ZNF407: variants seen among roughly 807,000 people sequenced by gnomAD.
The protein encoded by ZNF407 is zinc finger protein 407.
Under a neutral mutation model 131.2 loss-of-function variants are expected in ZNF407, and 17 were observed. That is an observed-to-expected ratio of 0.13 (90% CI 0.09 to 0.19). ZNF407 has a LOEUF of 0.19. Ranked by LOEUF, ZNF407 falls within the 10% of genes least tolerant of loss-of-function variation. The probability of loss-of-function intolerance (pLI) is 1.00; values close to 1 mark genes in which losing one functional copy is unlikely to be tolerated. For missense variants in ZNF407, 2,681 were observed against 2,830.6 expected (o/e 0.95, Z 1.20); for synonymous variants, 1,156 against 1,062.0 (o/e 1.09, Z -1.72).
chr18:74,918,489 C>T (rs910740550), intron 7 of ZNF407, among the ~76,000 whole-genome samples: 3 of 152,126 alleles, frequency 2.0e-5, no homozygotes, highest in African/African-American at 7.2e-5. Context: ...CTTTTATTTC[C>T]TCTTACAGTG....
intron 8 of ZNF407, among the ~76,000 whole-genome samples, chr18:75,042,175 A>G (rs1177716771): frequency 6.6e-6 from 1 of 151,722 alleles, no homozygotes; most frequent in Admixed American, 6.6e-5. Flanking sequence ...TGCTGGGATC[A>G]TGGGTATGAA....
At chr18:74,917,633 G>A (rs1463690892) in intron 7 of ZNF407, among the ~76,000 whole-genome samples, 2 of 151,968 alleles carry the variant, frequency 1.3e-5, no homozygotes, top group Non-Finnish European at 2.9e-5. Flanking sequence ...GCTTATTTTT[G>A]TCCTAGATAC....
intron 7 of ZNF407, among the ~76,000 whole-genome samples, chr18:74,895,400 C>G (rs1321210666): frequency 6.6e-6 from 1 of 152,068 alleles, no homozygotes; most frequent in Admixed American, 6.6e-5. Context: ...ACATGTGTGA[C>G]TGGCACAGGG....
At chr18:74,818,107 G>T (rs2145097544) in intron 4 of ZNF407, among the ~76,000 whole-genome samples, 1 of 152,306 alleles carries the variant, frequency 6.6e-6, no homozygotes, top group Non-Finnish European at 1.5e-5. Context: ...ATTTTGAGAT[G>T]ACTTTTGGCA....
At chr18:74,877,028 C>T (rs551032863) in intron 4 of ZNF407, among the ~76,000 whole-genome samples, 169 bp from the exon 5 acceptor site, 4 of 152,332 alleles carry the variant, frequency 2.6e-5, no homozygotes, top group East Asian at 1.9e-4. Flanking sequence ...TGCCAGGCCT[C>T]GACAGAAAAA....
intron 8 of ZNF407, among the ~76,000 whole-genome samples, chr18:74,973,138 A>ATATG (rs1555705326): frequency 2.1e-5 from 2 of 93,428 alleles, no homozygotes; most frequent in East Asian, 3.0e-4. Context: ...TTATATATAT[A>ATATG]TGTGTGTGTG....
chr18:74,980,910 G>A (rs1204883132), intron 8 of ZNF407, among the ~76,000 whole-genome samples: 1 of 152,134 alleles, frequency 6.6e-6, no homozygotes, highest in Non-Finnish European at 1.5e-5. Context: ...AGACACACTG[G>A]GGATTGGAGT....
Position 75,063,207 on chromosome 18 carries a change from A to G in ZNF407, c.5486A>G (p.Glu1829Gly), listed in dbSNP as rs1159809924. The G allele has an allele frequency of 6.2e-7, 1 of 1,611,646 alleles. No homozygotes were observed. The highest frequency in any genetic ancestry group is 8.5e-7 in the Non-Finnish European group (1 of 1,178,900). The change falls in exon 9 of 9, where the codon GAG (glutamate) becomes GGG (glycine). Residue 1829 changes from glutamate to glycine, a missense_variant. By Grantham distance (98) the Glu-to-Gly change is moderately conservative. Around this residue, in one of 6 missense-constraint regions of ZNF407, gnomAD observed 39 missense variants for 91.8 expected, o/e 0.42. Coordinates refer to ENST00000299687, the MANE Select transcript of ZNF407 (RefSeq NM_017757.3). This position sits in a 1 kb window ranked among gnomAD's most constrained non-coding sequence, Gnocchi z 6.6. ...AAGGGACAAGGAGCCACCTTCGTGGAGACAGACAGCCCCTTCACCGCGGCG... is the reference window on the plus strand; with the variant it reads ...AAGGGACAAGGAGCCACCTTCGTGGGGACAGACAGCCCCTTCACCGCGGCG... Reference protein sequence around the residue: ...RLKGQGATFVETDSPFTAAAL... With the variant: ...RLKGQGATFVGTDSPFTAAAL...
intron 4 of ZNF407, among the ~76,000 whole-genome samples, chr18:74,845,732 A>T (rs542454649): frequency 6.6e-6 from 1 of 152,372 alleles, no homozygotes; most frequent in African/African-American, 2.4e-5. Context: ...AGCATGAGCT[A>T]ATTCTTCCAG....
At chr18:74,658,368 C>T (rs1160307400) in intron 3 of ZNF407, among the ~76,000 whole-genome samples, 3 of 152,124 alleles carry the variant, frequency 2.0e-5, no homozygotes, top group Admixed American at 6.6e-5. Context: ...CTGCCCACCT[C>T]GGCCTCCCAA....
At chr18:74,864,183 C>T (rs1011892689) in intron 4 of ZNF407, among the ~76,000 whole-genome samples, 23 of 152,128 alleles carry the variant, frequency 1.5e-4, no homozygotes, top group Non-Finnish European at 2.8e-4. Flanking sequence ...GATTACTCTT[C>T]GTTAGAACCC....
chr18:74,686,437 C>G (rs1357521407), intron 3 of ZNF407, among the ~76,000 whole-genome samples: 1 of 152,194 alleles, frequency 6.6e-6, no homozygotes, highest in Non-Finnish European at 1.5e-5. Context: ...TTCCACACTT[C>G]TGACTATTCT....
rs1436738715 is a variant in ZNF407, at chr18:74,888,380, A to G, written c.5129-1538A>G. On this transcript the variant is annotated intron_variant, in intron 6 of 8. Coordinates refer to ENST00000299687, the MANE Select transcript of ZNF407 (RefSeq NM_017757.3). ...AGTAACAGGTGTAAACATTTTTACA[A>G]TAGTTAATTTAACCAAATTCAAATT... 2.0e-5 allele frequency among the ~76,000 whole-genome samples: 3 copies of G among 152,314 alleles called. No homozygotes were observed. The East Asian group carries it at 5.8e-4, about 29-fold the overall frequency.
At chr18:74,950,197 A>G (rs1263994183) in intron 8 of ZNF407, among the ~76,000 whole-genome samples, 2 of 152,352 alleles carry the variant, frequency 1.3e-5, no homozygotes, top group East Asian at 1.9e-4. Context: ...GGAAATGTCC[A>G]GCTCACGTCT....
chr18:74,813,157 C>T (rs1009671909), intron 4 of ZNF407, among the ~76,000 whole-genome samples: 2 of 152,158 alleles, frequency 1.3e-5, no homozygotes, highest in Non-Finnish European at 2.9e-5. Flanking sequence ...GTTGCCTTGT[C>T]CACAGCAGAT....
intron 3 of ZNF407, among the ~76,000 whole-genome samples, chr18:74,679,808 C>T (rs971842818): frequency 6.6e-6 from 1 of 152,094 alleles, no homozygotes; most frequent in African/African-American, 2.4e-5. Context: ...TGGTTGTTAC[C>T]CACTCTAACC....
chr18:74,903,960 C>T (rs371380624), intron 7 of ZNF407, among the ~76,000 whole-genome samples: 14 of 152,332 alleles, frequency 9.2e-5, no homozygotes, highest in Middle Eastern at 3.4e-3. Context: ...TTCACACTCA[C>T]AGTCATCAGC....
chr18:74,746,297 T>G (rs1968666759), intron 3 of ZNF407, among the ~76,000 whole-genome samples: 1 of 152,190 alleles, frequency 6.6e-6, no homozygotes. Flanking sequence ...CGTGGAGGCC[T>G]AGGACATTAC....
In ZNF407 at chr18:74,909,307, T is replaced by C. The variant is rs9966159; in HGVS notation, c.5250-11207T>C. Reference sequence around the variant, plus strand: ...CTCACATAGTTGAACTCATTTGTGTTTAATATAAAAACTAGTGGTAGGAAG... The same window carrying C: ...CTCACATAGTTGAACTCATTTGTGTCTAATATAAAAACTAGTGGTAGGAAG... On this transcript the variant is annotated intron_variant, in intron 7 of 8. Coordinates refer to ENST00000299687, the MANE Select transcript of ZNF407 (RefSeq NM_017757.3). Among the ~76,000 whole-genome samples, 1,113 of 152,106 alleles carry C rather than the reference T, an allele frequency of 7.3e-3. 13 individuals are homozygous for C. Among genetic ancestry groups the C allele is most frequent in the African/African-American group, 0.023 (948 of 41,512 alleles).
Sources: allele counts gnomAD v4.1 joint callset (sites outside exome capture counted in the v4.1 genomes callset), GRCh38; gene constraint gnomAD v4.1.1; regional missense constraint gnomAD v4.1.1; non-coding constraint Gnocchi (gnomAD v3.1); transcripts MANE v1.5; gene names NCBI Gene and HGNC (gene_info 2026-07-23, HGNC 2026-07-21).